The following ADAM28 variants were observed in gnomAD, a reference collection of about 807,000 sequenced individuals.
ADAM28 encodes the protein disintegrin and metalloproteinase domain-containing protein 28.
ADAM28 carries 105 observed loss-of-function variants against 101.2 expected under a neutral mutation model. That is an observed-to-expected ratio of 1.04 (90% confidence interval 0.89 to 1.22). ADAM28 has a LOEUF of 1.22. Among genes scored for constraint, ADAM28 ranks in the 50% most tolerant of loss-of-function variants. ADAM28 has a pLI of 0.00. For missense variants in ADAM28, 1,028 were observed against 945.4 expected, an observed-to-expected ratio of 1.09 and a Z score of -1.15; for synonymous variants, 322 against 310.6, an observed-to-expected ratio of 1.04 and a Z score of -0.39.
At chr8:24,320,337 C>T (rs1811705263) in intron 7 of ADAM28, 30 bp downstream of exon 7, 11 of 1,367,910 alleles carry the variant, frequency 8.0e-6, no homozygotes, top group Non-Finnish European at 1.1e-5. Context: ...GTGCTGTCTT[C>T]CAAAACTCCC....
chr8:24,349,783 C>A, intron 18 of ADAM28, 81 bp from the exon 19 acceptor site: 2 of 1,064,922 alleles, frequency 1.9e-6, no homozygotes, highest in Non-Finnish European at 2.8e-6. Context: ...GGAATATGTG[C>A]TAAGTAAAGA....
chr8:24,301,328 C>CA (rs1808731709), intron 2 of ADAM28, among the ~76,000 whole-genome samples: 1 of 152,154 alleles, frequency 6.6e-6, no homozygotes, highest in Non-Finnish European at 1.5e-5. Flanking sequence ...CTCTCTAAGA[C>CA]TTTCTTTAAA....
chr8:24,341,629 G>A lies in ADAM28; in HGVS notation c.1702G>A (p.Gly568Ser). 2 of 1,613,692 alleles carry A rather than the reference G, an allele frequency of 1.2e-6. No homozygotes were observed. Among genetic ancestry groups the A allele is most frequent in the Non-Finnish European group, 1.7e-6 (2 of 1,179,740 alleles). ...DTMCGKLFCQ[G>S]GSDNLPWKGR... Reference sequence around the variant, plus strand: ...CATGTGTGGGAAGTTGTTCTGTCAAGGTGGGTCGGATAATTTGCCCTGGAA... The same window carrying A: ...CATGTGTGGGAAGTTGTTCTGTCAAAGTGGGTCGGATAATTTGCCCTGGAA... Residue 568 changes from glycine (G) to serine (S), a missense_variant, in exon 16 of 23, where the codon GGT becomes AGT. Gly to Ser is a moderately conservative substitution (Grantham distance 56). Transcript: ENST00000265769.
chr8:24,353,283 T>C (rs562891724), intron 21 of ADAM28, among the ~76,000 whole-genome samples: 8 of 152,138 alleles, frequency 5.3e-5, no homozygotes, highest in African/African-American at 1.7e-4. Flanking sequence ...GTATGAAAAA[T>C]GGGCCATATA....
chr8:24,309,944 T>G lies in ADAM28; in HGVS notation c.201T>G (p.Ile67Met). The G allele has an allele frequency of 1.3e-6, 2 of 1,572,476 alleles. No individual in the cohort carries two copies. Among genetic ancestry groups the G allele is most frequent in the Non-Finnish European group, 1.7e-6 (2 of 1,143,892 alleles). ...ATAAAATGACAATTAATGGAAAAAT[T>G]GCAGTGCTTTATTTGAAAAAAAACA... ...LKYKMTINGKIAVLYLKKNKN... is the reference protein window; with the variant it reads ...LKYKMTINGKMAVLYLKKNKN... The change falls in exon 3 of 23, where the codon ATT becomes ATG. Residue 67 changes from isoleucine to methionine, a missense_variant. Coordinates refer to ENST00000265769, the MANE Select transcript of ADAM28 (RefSeq NM_014265.6).
At chr8:24,302,761 C>T (rs1397316610) in intron 2 of ADAM28, among the ~76,000 whole-genome samples, 1 of 151,724 alleles carries the variant, frequency 6.6e-6, no homozygotes, top group East Asian at 1.9e-4. Flanking sequence ...TGTTCATGTC[C>T]TTTGTCCACT....
intron 13 of ADAM28, among the ~76,000 whole-genome samples, chr8:24,335,031 T>G (rs1416988709): frequency 1.3e-5 from 2 of 152,170 alleles, no homozygotes; most frequent in African/African-American, 4.8e-5. Context: ...TGTAAGCTTA[T>G]CTCCTTGAAT....
At chr8:24,326,747 A>AATAACACTG in intron 10 of ADAM28, 112 bp downstream of exon 10, 1 of 932,754 alleles carries the variant, frequency 1.1e-6, no homozygotes, top group Non-Finnish European at 1.6e-6. Flanking sequence ...TGACATGGTA[A>AATAACACTG]ATAACACTGA....
At chr8:24,301,480 G>GA (rs200888452) in intron 2 of ADAM28, among the ~76,000 whole-genome samples, 102 of 149,598 alleles carry the variant, frequency 6.8e-4, no homozygotes, top group South Asian at 1.3e-3. Context: ...ATAAAAGTTG[G>GA]AAAAAAAAAT....
chr8:24,294,313 A>C (rs1807674507), intron 1 of ADAM28, 118 bp downstream of exon 1: 1 of 1,193,942 alleles, frequency 8.4e-7, no homozygotes, highest in African/African-American at 1.5e-5. Context: ...TTTCTCAATC[A>C]ATCTTACTAA....
At chr8:24,321,432 C>A in intron 8 of ADAM28, 143 bp downstream of exon 8, 1 of 730,032 alleles carries the variant, frequency 1.4e-6, no homozygotes, top group Admixed American at 1.9e-5. Flanking sequence ...AGGATGACCA[C>A]AACTTTTGCT....
chr8:24,352,420 G>C (rs1310237606), intron 21 of ADAM28, among the ~76,000 whole-genome samples: 1 of 152,198 alleles, frequency 6.6e-6, no homozygotes, highest in African/African-American at 2.4e-5. Context: ...CCAGTGTCTG[G>C]TGAAGCGGCC....
chr8:24,305,171 A>C (rs1809401475), intron 2 of ADAM28, among the ~76,000 whole-genome samples: 2 of 151,548 alleles, frequency 1.3e-5, no homozygotes, highest in African/African-American at 4.9e-5. Flanking sequence ...AGTCCCTCCC[A>C]TTTAGGGGAC....
chr8:24,351,240 C>G lies in ADAM28; in HGVS notation c.2108C>G (p.Ser703Cys). ...EKQKKDQRPL[S>C]TTGTRPHKQK... ...GTGTTTCTCTCTTACAGGCCACTAT[C>G]TACCACTGGCACCAGGCCACACAAA... Residue 703 changes from serine to cysteine, a missense_variant, in exon 20 of 23, where the codon TCT becomes TGT. Physicochemically the swap from Ser to Cys is moderately radical, Grantham distance 112. Coordinates refer to ENST00000265769, the MANE Select transcript of ADAM28 (RefSeq NM_014265.6). 1 of 1,601,030 alleles carries G rather than the reference C, an allele frequency of 6.2e-7. No homozygotes were observed. Among genetic ancestry groups the G allele is most frequent in the South Asian group, 1.1e-5 (1 of 88,560 alleles).
At position 24,349,908 on chromosome 8, in the gene ADAM28, TTTGTGGTGGTTGCTATG is replaced by T. The variant is rs773404460; in HGVS notation, c.2036_2052del (p.Phe679CysfsTer52). On this transcript the variant is annotated frameshift_variant, in exon 19 of 23. Coordinates refer to ENST00000265769, the MANE Select transcript of ADAM28 (RefSeq NM_014265.6). LOFTEE classifies it high-confidence loss of function. ...GGTGCTGTTCCCAATGGCGGTCATT[TTTGTGGTGGTTGCTATG>T]GTAATCCGGCACCAGAGCTCCAGAG... The T allele has an allele frequency of 6.2e-7, 1 of 1,613,694 alleles. No homozygotes were observed. Among genetic ancestry groups the T allele is most frequent in the Admixed American group, 1.7e-5 (1 of 59,988 alleles).
At position 24,356,674 on chromosome 8, in the gene ADAM28, T is replaced by G. The variant is rs1403830928; in HGVS notation, c.*2270T>G. 6.6e-6 allele frequency: 1 copy of G among 152,186 alleles called. No homozygotes were observed. Among genetic ancestry groups the G allele is most frequent in the Non-Finnish European group, 1.5e-5 (1 of 68,024 alleles). The allele number at this position is 152,186 out of a possible 1,614,324, so 9.4% of individuals were successfully genotyped here. On this transcript the variant is annotated 3_prime_UTR_variant, in exon 23 of 23. Transcript: ENST00000265769. ...ACTTATATCCGTAACTTTCTAACTTTAAGGGAATTCCGCTTATTTGACATT... is the reference window on the plus strand; with the variant it reads ...ACTTATATCCGTAACTTTCTAACTTGAAGGGAATTCCGCTTATTTGACATT...
chr8:24,330,048 G>C lies in ADAM28; in HGVS notation c.1036G>C (p.Gly346Arg). Reference protein sequence around the residue: ...TMAHEMGHNFGMFHDDYSCKC... With the variant: ...TMAHEMGHNFRMFHDDYSCKC... ...GGCACATGAAATGGGCCACAACTTTGGAATGTTTCATGACGACTATTCTTG... is the reference window on the plus strand; with the variant it reads ...GGCACATGAAATGGGCCACAACTTTCGAATGTTTCATGACGACTATTCTTG... The change falls in exon 11 of 23, where the codon GGA (glycine) becomes CGA (arginine). Residue 346 changes from glycine to arginine, a missense_variant. Coordinates refer to ENST00000265769, the MANE Select transcript of ADAM28 (RefSeq NM_014265.6). 1 of 1,613,656 alleles carries C rather than the reference G, an allele frequency of 6.2e-7. No homozygotes were observed. The highest frequency in any genetic ancestry group is 1.3e-5 in the African/African-American group (1 of 74,958).
chr8:24,357,688 A>G lies in ADAM28; in HGVS notation c.*3284A>G, dbSNP rs1228567764. 1 of 152,186 alleles carries G rather than the reference A, an allele frequency of 6.6e-6. No individual in the cohort carries two copies. Among genetic ancestry groups the G allele is most frequent in the Admixed American group, 6.6e-5 (1 of 15,262 alleles). The allele number at this position is 152,186 out of a possible 1,614,324, so 9.4% of individuals were successfully genotyped here. A position where few individuals can be genotyped will look rare whatever the true frequency, so the allele number is the denominator to read the frequency against. On this transcript the variant is annotated 3_prime_UTR_variant, in exon 23 of 23. Transcript: ENST00000265769. ...GGGGATGGACACAGAGCCAAACCAT[A>G]TAATGTTTTAAATGCTCCAGATAGG... is the stretch of plus-strand genomic sequence containing the variant.
At chr8:24,304,105 C>T (rs1217660227) in intron 2 of ADAM28, among the ~76,000 whole-genome samples, 1 of 151,284 alleles carries the variant, frequency 6.6e-6, no homozygotes, top group Non-Finnish European at 1.5e-5. Context: ...AATTTAAACA[C>T]AAGTGAAGTG....
Sources: gnomAD v4.1 joint callset for allele counts (sites outside exome capture counted in the v4.1 genomes callset) on GRCh38, gnomAD v4.1.1 for gene constraint, MANE v1.5 for transcripts, NCBI Gene and HGNC (gene_info 2026-07-23, HGNC 2026-07-21) for gene names.